Variants in POU6F2 observed in about 807,000 individuals in gnomAD.
POU6F2 encodes the protein POU domain, class 6, transcription factor 2.
In POU6F2, 31 loss-of-function variants were observed where a neutral mutation model predicts 71.3. The ratio of observed to expected loss-of-function variants is 0.43; its 90% CI spans 0.33 to 0.59. The LOEUF (loss-of-function observed/expected upper bound fraction) is 0.59, where lower values mean the gene tolerates loss of function less well. Ranked by LOEUF, POU6F2 falls within the 20% of genes least tolerant of loss-of-function variation. The probability of loss-of-function intolerance (pLI) is 0.04; values close to 1 mark genes in which losing one functional copy is unlikely to be tolerated. For missense variants in POU6F2, 783 were observed against 856.8 expected (o/e 0.91, Z 1.07); for synonymous variants, 347 against 355.7 (o/e 0.98, Z 0.27).
intron 1 of POU6F2, among the ~76,000 whole-genome samples, chr7:39,037,827 G>A (rs1790099643): frequency 6.6e-6 from 1 of 152,040 alleles, no homozygotes; most frequent in Non-Finnish European, 1.5e-5. Context: ...ACCATCAGTA[G>A]AGGTTAGGAT....
At chr7:39,418,689 CAAAA>C in intron 6 of POU6F2, among the ~76,000 whole-genome samples, 1 of 119,208 alleles carries the variant, frequency 8.4e-6, no homozygotes, top group African/African-American at 3.1e-5. Context: ...GACTCTGTCT[CAAAA>C]AAAAAAAAAG....
intron 2 of POU6F2, among the ~76,000 whole-genome samples, chr7:39,112,288 C>T (rs190356261): frequency 4.6e-5 from 7 of 151,854 alleles, no homozygotes; most frequent in Admixed American, 3.3e-4. Flanking sequence ...TTTAAGTGAG[C>T]GAATTCAGGT....
At chr7:39,266,204 A>C (rs188424603) in intron 4 of POU6F2, among the ~76,000 whole-genome samples, 3 of 152,192 alleles carry the variant, frequency 2.0e-5, no homozygotes, top group African/African-American at 7.2e-5. Context: ...GGAGATTTTT[A>C]AAAAGTTTTT....
chr7:39,257,272 A>T (rs1241194157), intron 4 of POU6F2, among the ~76,000 whole-genome samples: 1 of 152,228 alleles, frequency 6.6e-6, no homozygotes, highest in Admixed American at 6.5e-5. Context: ...GGGGAAATAC[A>T]TGCACTTGGA....
intron 1 of POU6F2, among the ~76,000 whole-genome samples, chr7:39,069,698 A>G (rs1790835233): frequency 6.6e-6 from 1 of 152,246 alleles, no homozygotes; most frequent in African/African-American, 2.4e-5. Flanking sequence ...TTATTACAAT[A>G]AAGTAAGCTA....
intron 2 of POU6F2, among the ~76,000 whole-genome samples, chr7:39,160,117 A>C (rs901926271): frequency 6.6e-6 from 1 of 152,198 alleles, no homozygotes; most frequent in Admixed American, 6.5e-5. Context: ...CAGCGTCCCA[A>C]GTTGAGAGAG....
intron 1 of POU6F2, among the ~76,000 whole-genome samples, chr7:39,039,547 GA>G (rs1790137033): frequency 6.6e-6 from 1 of 151,870 alleles, no homozygotes; most frequent in African/African-American, 2.4e-5. Flanking sequence ...AAAAAGAAAA[GA>G]AAGGTAAATA....
intron 4 of POU6F2, among the ~76,000 whole-genome samples, chr7:39,324,700 A>T (rs969583522): frequency 6.6e-6 from 1 of 152,346 alleles, no homozygotes; most frequent in East Asian, 1.9e-4. Flanking sequence ...GCAGAAATCC[A>T]TGAGACATTT....
At chr7:39,458,481 A>T (rs1049963970) in intron 8 of POU6F2, among the ~76,000 whole-genome samples, 1 of 152,078 alleles carries the variant, frequency 6.6e-6, no homozygotes, top group African/African-American at 2.4e-5. Flanking sequence ...GGGGAAAGGA[A>T]AAAAGGGCTC....
At chr7:39,157,746 A>G (rs911825692) in intron 2 of POU6F2, among the ~76,000 whole-genome samples, 29 of 152,234 alleles carry the variant, frequency 1.9e-4, no homozygotes, top group Non-Finnish European at 3.5e-4. Context: ...AATCATGCAC[A>G]ACTGCAGATA....
intron 2 of POU6F2, among the ~76,000 whole-genome samples, chr7:39,099,895 G>A (rs1298276710): frequency 6.6e-6 from 1 of 152,118 alleles, no homozygotes; most frequent in East Asian, 1.9e-4. Flanking sequence ...GATCAGCAGG[G>A]GCTCTGAACG....
At chr7:39,269,953 G>A (rs546822381) in intron 4 of POU6F2, among the ~76,000 whole-genome samples, 17 of 152,238 alleles carry the variant, frequency 1.1e-4, no homozygotes, top group African/African-American at 3.9e-4. Flanking sequence ...AAGTCAAGAC[G>A]AGCTCTCAAT....
intron 4 of POU6F2, among the ~76,000 whole-genome samples, chr7:39,255,242 T>C (rs541768348): frequency 1.3e-5 from 2 of 152,330 alleles, no homozygotes; most frequent in South Asian, 4.1e-4. Context: ...TTTACTGTTG[T>C]GAAAATTATT....
intron 4 of POU6F2, among the ~76,000 whole-genome samples, chr7:39,292,606 G>T (rs1475859198): frequency 6.6e-6 from 1 of 152,142 alleles, no homozygotes; most frequent in Non-Finnish European, 1.5e-5. Flanking sequence ...ATTTGATGCG[G>T]TTTGTCTCAA....
intron 4 of POU6F2, among the ~76,000 whole-genome samples, chr7:39,217,195 A>G (rs1187682710): frequency 1.3e-5 from 2 of 152,212 alleles, no homozygotes; most frequent in Admixed American, 1.3e-4. Flanking sequence ...CACAAAGTGC[A>G]TTAATTCTCA....
intron 4 of POU6F2, among the ~76,000 whole-genome samples, chr7:39,268,523 C>T (rs1784289420): frequency 6.6e-6 from 1 of 152,086 alleles, no homozygotes; most frequent in Non-Finnish European, 1.5e-5. Flanking sequence ...GTCTATAGGG[C>T]ACTCCAAATG....
chr7:39,202,314 T>C (rs1793920778), intron 2 of POU6F2, among the ~76,000 whole-genome samples: 1 of 152,190 alleles, frequency 6.6e-6, no homozygotes, highest in Non-Finnish European at 1.5e-5. Context: ...GGGCTTGGCA[T>C]GGTATAGAAA....
At chr7:39,018,119 G>T (rs190157533) in intron 1 of POU6F2, among the ~76,000 whole-genome samples, 209 of 152,198 alleles carry the variant, frequency 1.4e-3, no homozygotes, top group African/African-American at 4.7e-3. Context: ...TCTTTTAGTT[G>T]CAAATGACAG....
chr7:39,460,548 T>C lies in POU6F2; in HGVS notation c.1491T>C (p.Asn497=). Residue 497 remains asparagine (N), a splice_region_variant and synonymous_variant, in exon 9 of 10, where the codon AAT becomes AAC. Coordinates refer to ENST00000518318, the MANE Select transcript of POU6F2 (RefSeq NM_001370959.1). The surrounding 1 kb of genome is among the most constrained non-coding windows in gnomAD (Gnocchi z 4.4). ...CTATTTTTAAAAACATCTCCACAGA[T>C]CCTCAAACGGCAGCGGGTGAGGTGG... ...SALSVGQLVS[N]PQTAAGEVDG... 2 of 1,613,500 alleles carry C rather than the reference T, an allele frequency of 1.2e-6. No individual in the cohort carries two copies. Among genetic ancestry groups the C allele is most frequent in the Non-Finnish European group, 8.5e-7 (1 of 1,179,706 alleles).
Sources: allele counts gnomAD v4.1 joint callset (sites outside exome capture counted in the v4.1 genomes callset), GRCh38; gene constraint gnomAD v4.1.1; non-coding constraint Gnocchi (gnomAD v3.1); transcripts MANE v1.5; gene names NCBI Gene and HGNC (gene_info 2026-07-23, HGNC 2026-07-21).